The following MAPKAP1 variants were observed in gnomAD, a reference collection of about 807,000 sequenced individuals.
The protein encoded by MAPKAP1 is target of rapamycin complex 2 subunit MAPKAP1.
Under a neutral mutation model 65.7 loss-of-function variants are expected in MAPKAP1, and 20 were observed. That is an observed-to-expected ratio of 0.30 (90% CI 0.21 to 0.44). MAPKAP1 has a LOEUF of 0.44. Ranked by LOEUF, MAPKAP1 falls within the 20% of genes least tolerant of loss-of-function variation. The pLI is 1.00. For synonymous variants in MAPKAP1, 222 were observed against 244.3 expected (o/e 0.91, Z 0.85); for missense variants, 423 against 648.0 (o/e 0.65, Z 3.77).
intron 9 of MAPKAP1, among the ~76,000 whole-genome samples, chr9:125,472,801 T>C (rs1236968077): frequency 6.6e-6 from 1 of 152,216 alleles, no homozygotes; most frequent in East Asian, 1.9e-4. Flanking sequence ...TAAAAAAAGA[T>C]GTCAAAAGGA....
intron 4 of MAPKAP1, among the ~76,000 whole-genome samples, chr9:125,614,329 A>G (rs553856914): frequency 7.9e-5 from 12 of 152,354 alleles, no homozygotes; most frequent in Non-Finnish European, 1.5e-4. Context: ...AATCAATATA[A>G]TAATCATATT....
chr9:125,474,219 C>T (rs1020905490), intron 9 of MAPKAP1, among the ~76,000 whole-genome samples: 12 of 152,160 alleles, frequency 7.9e-5, no homozygotes, highest in African/African-American at 2.4e-4. Flanking sequence ...GTCTTGGGAG[C>T]ACCAGGATCC....
chr9:125,479,534 T>C (rs1056632858), intron 9 of MAPKAP1, among the ~76,000 whole-genome samples: 38 of 150,954 alleles, frequency 2.5e-4, no homozygotes, highest in Non-Finnish European at 4.9e-4. Context: ...GAGCCGAGAC[T>C]GTACCATTGC....
chr9:125,608,188 A>G (rs1249606127), intron 4 of MAPKAP1, among the ~76,000 whole-genome samples: 2 of 152,264 alleles, frequency 1.3e-5, no homozygotes, highest in Admixed American at 1.3e-4. Context: ...TTTCCAGAAA[A>G]GTCCTGAAGT....
chr9:125,445,027 C>T (rs901425985), intron 10 of MAPKAP1, among the ~76,000 whole-genome samples: 10 of 152,170 alleles, frequency 6.6e-5, no homozygotes, highest in Non-Finnish European at 1.2e-4. Context: ...GGCTGCTCCA[C>T]AGCCTGGGCT....
At chr9:125,551,389 G>C (rs916555879) in intron 6 of MAPKAP1, among the ~76,000 whole-genome samples, 4 of 152,136 alleles carry the variant, frequency 2.6e-5, no homozygotes, top group Non-Finnish European at 1.5e-5. Context: ...TAAAAAAGCA[G>C]CTCATCGTTC....
intron 7 of MAPKAP1, among the ~76,000 whole-genome samples, chr9:125,535,393 C>T (rs1830044303): frequency 6.6e-6 from 1 of 152,180 alleles, no homozygotes; most frequent in Non-Finnish European, 1.5e-5. Context: ...CAATTTACCA[C>T]ATTTTAATCC....
rs913317382 is a variant in MAPKAP1 at position 125,447,904 on chromosome 9, C to T, written c.1346-3306G>A. On this transcript the variant is annotated intron_variant, in intron 10 of 11. Coordinates refer to ENST00000265960, the MANE Select transcript of MAPKAP1 (RefSeq NM_001006617.3). The surrounding 1 kb of genome is among the most constrained non-coding windows in gnomAD (Gnocchi z 4.5). Reference sequence around the variant, plus strand: ...AGGAAGATGCCACAGGGCAAGGAAACGGCATGGGCAAACATACAGGGTCTC... The same window carrying T: ...AGGAAGATGCCACAGGGCAAGGAAATGGCATGGGCAAACATACAGGGTCTC... Among the ~76,000 whole-genome samples, 6 of 152,250 alleles carry T rather than the reference C, an allele frequency of 3.9e-5. No homozygotes were observed. The highest frequency in any genetic ancestry group is 1.9e-4 in the East Asian group (1 of 5,182).
intron 1 of MAPKAP1, among the ~76,000 whole-genome samples, chr9:125,677,195 T>G (rs1055832127): frequency 6.6e-6 from 1 of 152,080 alleles, no homozygotes; most frequent in Non-Finnish European, 1.5e-5. Context: ...TCTCAGCACT[T>G]TGGGAGGCCG....
chr9:125,505,630 G>A (rs997719743), intron 8 of MAPKAP1, among the ~76,000 whole-genome samples: 1 of 152,224 alleles, frequency 6.6e-6, no homozygotes, highest in Non-Finnish European at 1.5e-5. Flanking sequence ...TCTGAAGACA[G>A]GACATTTAAA....
chr9:125,447,522 T>C lies in MAPKAP1; in HGVS notation c.1346-2924A>G, dbSNP rs545249475. 2.2e-6 allele frequency: 1 copy of C among 456,274 alleles called. No homozygotes were observed. The highest frequency in any genetic ancestry group is 4.4e-6 in the Non-Finnish European group (1 of 226,912). The allele number at this position is 456,274 out of a possible 1,614,324, so 28.3% of individuals were successfully genotyped here. ...AAGGGCAGGTTAAGATCAGCAGCCA[T>C]GCTGGGCCATAGGACATGGGGCGGA... On this transcript the variant is annotated intron_variant, in intron 10 of 11. Coordinates refer to ENST00000265960, the MANE Select transcript of MAPKAP1 (RefSeq NM_001006617.3). The surrounding 1 kb of genome is among the most constrained non-coding windows in gnomAD (Gnocchi z 4.5).
chr9:125,690,010 C>T (rs147569744), intron 1 of MAPKAP1, among the ~76,000 whole-genome samples: 5,733 of 152,168 alleles, frequency 0.038, 380 homozygotes, highest in African/African-American at 0.13. Flanking sequence ...ATTGCTTGAA[C>T]CCAGGAGGCG....
chr9:125,529,291 T>C (rs552627716), intron 7 of MAPKAP1, among the ~76,000 whole-genome samples: 1 of 151,890 alleles, frequency 6.6e-6, no homozygotes, highest in South Asian at 2.1e-4. Context: ...TTATTAGCCA[T>C]CTCCTCTATT....
intron 4 of MAPKAP1, among the ~76,000 whole-genome samples, chr9:125,613,782 T>G (rs1454074693): frequency 6.6e-6 from 1 of 151,814 alleles, no homozygotes; most frequent in East Asian, 1.9e-4. Context: ...TATTTAACCT[T>G]ACTGAAAAAG....
In MAPKAP1 at chr9:125,669,911, G is replaced by A; in HGVS notation, c.260-4C>T. On this transcript the variant is annotated splice_region_variant and splice_polypyrimidine_tract_variant and intron_variant, in intron 2 of 11. Transcript: ENST00000265960. ...CGGAGTCGTTCTAATCTTTGAGCTT[G>A]AAAAGAAATATTATAACTGTAAGTT... 1 of 1,522,610 alleles carries A rather than the reference G, an allele frequency of 6.6e-7. No homozygotes were observed. The highest frequency in any genetic ancestry group is 1.2e-5 in the South Asian group (1 of 82,880). 94.3% of individuals were successfully genotyped at this position (1,522,610 alleles called of 1,614,324 possible).
chr9:125,659,028 T>C (rs963915701), intron 3 of MAPKAP1, among the ~76,000 whole-genome samples: 1 of 152,100 alleles, frequency 6.6e-6, no homozygotes, highest in Admixed American at 6.5e-5. Flanking sequence ...GGTGGGAGGA[T>C]CACTGGAGCA....
intron 6 of MAPKAP1, among the ~76,000 whole-genome samples, chr9:125,554,440 G>A (rs1033390235): frequency 6.6e-6 from 1 of 152,230 alleles, no homozygotes; most frequent in African/African-American, 2.4e-5. Context: ...GAAACAGGGA[G>A]AGTCCTGGAC....
At chr9:125,551,580 T>A (rs1178602884) in intron 6 of MAPKAP1, among the ~76,000 whole-genome samples, 1 of 152,074 alleles carries the variant, frequency 6.6e-6, no homozygotes, top group East Asian at 1.9e-4. Flanking sequence ...AATACATATA[T>A]ATATAGGAGA....
At chr9:125,492,137 G>C (rs1035123708) in intron 8 of MAPKAP1, among the ~76,000 whole-genome samples, 1 of 151,910 alleles carries the variant, frequency 6.6e-6, no homozygotes, top group Non-Finnish European at 1.5e-5. Context: ...CCAGGAGTTT[G>C]AGGCTACAGT....
Sources: gnomAD v4.1 joint callset for allele counts (sites outside exome capture counted in the v4.1 genomes callset) on GRCh38, gnomAD v4.1.1 for gene constraint, Gnocchi (gnomAD v3.1) non-coding constraint, MANE v1.5 for transcripts, NCBI Gene and HGNC (gene_info 2026-07-23, HGNC 2026-07-21) for gene names.